The following CNOT4 variants were observed in gnomAD, a reference collection of about 807,000 sequenced individuals.
The protein encoded by CNOT4 is CCR4-NOT transcription complex subunit 4.
In CNOT4, 8 loss-of-function variants were observed where a neutral mutation model predicts 73.8. The ratio of observed to expected loss-of-function variants is 0.11; its 90% CI spans 0.06 to 0.20. CNOT4 has a LOEUF of 0.20. Ranked by LOEUF, CNOT4 falls within the 10% of genes least tolerant of loss-of-function variation. The pLI is 1.00. For missense variants in CNOT4, 564 were observed against 883.4 expected (o/e 0.64, Z 4.58); for synonymous variants, 293 against 321.1 (o/e 0.91, Z 0.94).
At chr7:135,419,960 G>T (rs1044932767) in intron 3 of CNOT4, among the ~76,000 whole-genome samples, 4 of 151,994 alleles carry the variant, frequency 2.6e-5, no homozygotes, top group Non-Finnish European at 5.9e-5. Context: ...GGTGGAGACA[G>T]GAGAATCACT....
At chr7:135,444,686 T>A (rs1215851126) in intron 1 of CNOT4, 1 of 1,193,732 alleles carries the variant, frequency 8.4e-7, no homozygotes, top group Non-Finnish European at 1.3e-6. Context: ...TGCTCCTGGG[T>A]CTGCTTCCGG....
chr7:135,508,507 A>AT (rs1332022966), intron 1 of CNOT4, among the ~76,000 whole-genome samples: 6 of 152,182 alleles, frequency 3.9e-5, no homozygotes, highest in African/African-American at 1.4e-4. Flanking sequence ...AAAAATGTCG[A>AT]TTTTTCTTTT....
chr7:135,398,528 T>A (rs778827375), intron 7 of CNOT4, among the ~76,000 whole-genome samples: 2 of 151,898 alleles, frequency 1.3e-5, no homozygotes, highest in Non-Finnish European at 2.9e-5. Context: ...AGATTTGGGG[T>A]GTTCGCCCAA....
At chr7:135,400,962 T>C (rs565317964) in intron 7 of CNOT4, among the ~76,000 whole-genome samples, 28 of 152,334 alleles carry the variant, frequency 1.8e-4, no homozygotes, top group Non-Finnish European at 3.7e-4. Flanking sequence ...AAGTCAATTA[T>C]AGTTACACCT....
intron 10 of CNOT4, among the ~76,000 whole-genome samples, chr7:135,366,769 T>A (rs1463862063): frequency 6.6e-6 from 1 of 152,172 alleles, no homozygotes; most frequent in African/African-American, 2.4e-5. Flanking sequence ...AGAAGTTTAT[T>A]TCACTGTTTT....
intron 1 of CNOT4, among the ~76,000 whole-genome samples, chr7:135,442,367 C>T (rs1379367226): frequency 9.9e-5 from 15 of 152,158 alleles, no homozygotes; most frequent in Non-Finnish European, 1.8e-4. Context: ...GAGGCCAAGG[C>T]GGGCGGATCA....
At chr7:135,393,860 C>G (rs1796529725) in intron 10 of CNOT4, 58 bp downstream of exon 10, 1 of 1,254,652 alleles carries the variant, frequency 8.0e-7, no homozygotes, top group Non-Finnish European at 1.1e-6. Flanking sequence ...CCCTATCCAC[C>G]CAACAACCTG....
intron 1 of CNOT4, among the ~76,000 whole-genome samples, chr7:135,446,340 G>C (rs549261857): frequency 6.6e-6 from 1 of 152,234 alleles, no homozygotes; most frequent in Non-Finnish European, 1.5e-5. Flanking sequence ...AACAGACAGT[G>C]GTGATAGTTA....
chr7:135,474,973 G>C (rs979588993), intron 1 of CNOT4, among the ~76,000 whole-genome samples: 1 of 152,068 alleles, frequency 6.6e-6, no homozygotes, highest in African/African-American at 2.4e-5. Flanking sequence ...AATGTGCGCT[G>C]TTTCAACCTT....
chr7:135,459,404 G>T (rs1195597871), intron 1 of CNOT4, among the ~76,000 whole-genome samples: 2 of 152,122 alleles, frequency 1.3e-5, no homozygotes, highest in Admixed American at 6.5e-5. Flanking sequence ...CCTCACAATT[G>T]ATCGTTAAGT....
chr7:135,408,564 T>G (rs1797427157), intron 7 of CNOT4, among the ~76,000 whole-genome samples: 1 of 152,182 alleles, frequency 6.6e-6, no homozygotes, highest in Non-Finnish European at 1.5e-5. Flanking sequence ...GGTTCAGGGT[T>G]GCAGGTGGCC....
intron 1 of CNOT4, among the ~76,000 whole-genome samples, chr7:135,490,504 G>C (rs921455399): frequency 6.6e-6 from 1 of 152,116 alleles, no homozygotes; most frequent in African/African-American, 2.4e-5. Flanking sequence ...AAACTTTCAG[G>C]AATAGCAACC....
chr7:135,415,727 C>T (rs2551777), intron 3 of CNOT4, among the ~76,000 whole-genome samples: 94,643 of 151,988 alleles, frequency 0.62, 29,641 homozygotes, highest in East Asian at 0.76. Context: ...AAATCTATTG[C>T]ATATAACACT....
intron 1 of CNOT4, among the ~76,000 whole-genome samples, chr7:135,465,192 G>T (rs568022948): frequency 6.6e-6 from 1 of 152,134 alleles, no homozygotes; most frequent in African/African-American, 2.4e-5. Context: ...TCATTTACAT[G>T]TTTATATTTA....
intron 1 of CNOT4, among the ~76,000 whole-genome samples, chr7:135,482,950 C>T (rs1479613770): frequency 7.3e-6 from 1 of 136,586 alleles, no homozygotes; most frequent in Non-Finnish European, 1.5e-5. Flanking sequence ...CATGCCAATG[C>T]ACTTCAGCCT....
intron 7 of CNOT4, among the ~76,000 whole-genome samples, chr7:135,399,048 ATCACTGACT>A (rs1474996345): frequency 6.6e-6 from 1 of 152,104 alleles, no homozygotes; most frequent in Non-Finnish European, 1.5e-5. Flanking sequence ...GGTAAAGTAA[ATCACTGACT>A]TCAAATCCAT....
rs191120931 is a variant in CNOT4 at position 135,444,179 on chromosome 7, G to A, written c.-92-5756C>T. On this transcript the variant is annotated intron_variant, in intron 1 of 11. Transcript: ENST00000541284. ...AATAATAATAATAATAATAATACAC[G>A]AGAATGTAAGGTAGTACAGACACTA... Among the ~76,000 whole-genome samples the A allele has an allele frequency of 9.9e-5, 15 of 151,158 alleles. No homozygotes were observed. The South Asian group carries it at 1.3e-3, about 13-fold the overall frequency.
In CNOT4 at chr7:135,418,980, C is replaced by G. The variant is rs74941736; in HGVS notation, c.372+3176G>C. Reference sequence around the variant, plus strand: ...TGTCTGGCTTGCTAACTACTTCCCCCCTACCCGCCCCCTGGCATCAAAATA... The same window carrying G: ...TGTCTGGCTTGCTAACTACTTCCCCGCTACCCGCCCCCTGGCATCAAAATA... On this transcript the variant is annotated intron_variant, in intron 3 of 11. Coordinates refer to ENST00000541284, the MANE Select transcript of CNOT4 (RefSeq NM_001190850.2). 1.7e-4 allele frequency among the ~76,000 whole-genome samples: 26 copies of G among 152,222 alleles called. No homozygotes were observed. The East Asian group carries it at 2.1e-3, about 12-fold the overall frequency.
At position 135,400,529 on chromosome 7, in the gene CNOT4, A is replaced by G. The variant is rs1480768092; in HGVS notation, c.822-2303T>C. ...CCACCCAATTTAGTGCTTCCATAAG[A>G]GCACTAAATAATAATTTTCAATATA... On this transcript the variant is annotated intron_variant, in intron 7 of 11. Coordinates refer to ENST00000541284, the MANE Select transcript of CNOT4 (RefSeq NM_001190850.2). Among the ~76,000 whole-genome samples the G allele has an allele frequency of 5.3e-5, 8 of 152,188 alleles. No homozygotes were observed. In the South Asian group the frequency reaches 1.2e-3, roughly 24 times the overall value.
Sources: gnomAD v4.1 joint callset for allele counts (sites outside exome capture counted in the v4.1 genomes callset) on GRCh38, gnomAD v4.1.1 for gene constraint, MANE v1.5 for transcripts, NCBI Gene and HGNC (gene_info 2026-07-23, HGNC 2026-07-21) for gene names.